The following CNOT6 variants were observed in gnomAD, a reference collection of about 807,000 sequenced individuals.
The protein encoded by CNOT6 is CCR4-NOT transcription complex subunit 6, also known as carbon catabolite repression 4 protein.
A neutral mutation model predicts 61.2 loss-of-function variants in CNOT6; 12 were observed. The observed-to-expected ratio is 0.20, with a 90% CI of 0.13 to 0.32. CNOT6 has a LOEUF of 0.32. Among genes scored for constraint, CNOT6 ranks in the 10% least tolerant of loss-of-function variants. CNOT6 has a pLI of 1.00. For missense variants in CNOT6, 405 were observed against 663.9 expected, an observed-to-expected ratio of 0.61 and a Z score of 4.28; for synonymous variants, 225 against 240.6, an observed-to-expected ratio of 0.94 and a Z score of 0.60.
At chr5:180,525,825 G>C (rs1758074940) in intron 1 of CNOT6, among the ~76,000 whole-genome samples, 2 of 152,066 alleles carry the variant, frequency 1.3e-5, no homozygotes. Context: ...TTCTAGGCGG[G>C]GGCGATCATC....
At chr5:180,515,303 T>C (rs1757585427) in intron 1 of CNOT6, among the ~76,000 whole-genome samples, 1 of 151,832 alleles carries the variant, frequency 6.6e-6, no homozygotes, top group South Asian at 2.1e-4. Flanking sequence ...CTGGGTGTGG[T>C]GGTGCCTGAG....
At chr5:180,528,245 A>G (rs1758190691) in intron 1 of CNOT6, among the ~76,000 whole-genome samples, 2 of 152,352 alleles carry the variant, frequency 1.3e-5, no homozygotes, top group Non-Finnish European at 1.5e-5. Context: ...GAATTCTGTT[A>G]AAAACAGTCA....
rs139162476 is a variant in CNOT6, at chr5:180,522,029, A to G, written c.-2-7246A>G. Among the ~76,000 whole-genome samples the G allele has an allele frequency of 1.8e-3, 270 of 152,212 alleles. 8 individuals are homozygous for G. In the East Asian group the frequency reaches 0.048, roughly 27 times the overall value. ...GTGCATGTACCTTTTTTGTAGAAAG[A>G]TTTATTTTTCTTTGGGTATAGAACC... is the stretch of plus-strand genomic sequence containing the variant. On this transcript the variant is annotated intron_variant, in intron 1 of 11. Transcript: ENST00000261951.
intron 2 of CNOT6, among the ~76,000 whole-genome samples, chr5:180,542,465 A>G (rs1029156772): frequency 2.6e-5 from 4 of 152,090 alleles, no homozygotes; most frequent in Middle Eastern, 6.8e-3. Context: ...GGATTTCACC[A>G]TGTTGACCAG....
intron 6 of CNOT6, among the ~76,000 whole-genome samples, chr5:180,565,314 C>T (rs977455056): frequency 1.3e-5 from 2 of 152,254 alleles, no homozygotes; most frequent in Middle Eastern, 3.2e-3. Context: ...GACTGCTCAT[C>T]TCCTTTTAAC....
chr5:180,552,570 C>A (rs567525850), intron 3 of CNOT6, among the ~76,000 whole-genome samples: 1 of 150,780 alleles, frequency 6.6e-6, no homozygotes, highest in Non-Finnish European at 1.5e-5. Context: ...GGCGTGAACC[C>A]GGGAGGCGGA....
At chr5:180,565,597 C>T (rs1268351818) in intron 6 of CNOT6, among the ~76,000 whole-genome samples, 1 of 152,128 alleles carries the variant, frequency 6.6e-6, no homozygotes, top group Non-Finnish European at 1.5e-5. Context: ...GTGCCTACCT[C>T]TGTAGCAGGT....
chr5:180,549,806 C>A, intron 2 of CNOT6, 125 bp from the exon 3 acceptor site: 2 of 663,984 alleles, frequency 3.0e-6, no homozygotes, highest in East Asian at 2.6e-5. Context: ...CCTGTTAACC[C>A]CTTCTCACAA....
At chr5:180,523,282 A>G (rs1000619093) in intron 1 of CNOT6, among the ~76,000 whole-genome samples, 3 of 152,078 alleles carry the variant, frequency 2.0e-5, no homozygotes, top group Non-Finnish European at 4.4e-5. Context: ...GTTCATTTTG[A>G]AGGTTAAGTA....
intron 2 of CNOT6, among the ~76,000 whole-genome samples, chr5:180,543,164 T>C (rs1759131144): frequency 6.6e-6 from 1 of 152,144 alleles, no homozygotes; most frequent in South Asian, 2.1e-4. Flanking sequence ...GTTCACACCA[T>C]TCTCCTGCCT....
At chr5:180,567,293 G>T in intron 8 of CNOT6, 51 bp downstream of exon 8, 3 of 1,511,436 alleles carry the variant, frequency 2.0e-6, no homozygotes, top group Non-Finnish European at 2.7e-6. Flanking sequence ...TTTGCAGGGT[G>T]GGGGCCAAGG....
At chr5:180,570,765 T>TG (rs1760709894) in intron 10 of CNOT6, among the ~76,000 whole-genome samples, 1 of 152,234 alleles carries the variant, frequency 6.6e-6, no homozygotes, top group Non-Finnish European at 1.5e-5. Flanking sequence ...GTTTGGCCTG[T>TG]AACTAGCTGG....
chr5:180,537,785 T>C (rs531543448), intron 2 of CNOT6, among the ~76,000 whole-genome samples: 9 of 145,650 alleles, frequency 6.2e-5, no homozygotes, highest in African/African-American at 1.3e-4. Flanking sequence ...TTTAGTTAGA[T>C]TTATTCCTCT....
intron 2 of CNOT6, among the ~76,000 whole-genome samples, chr5:180,544,142 T>C (rs1052408898): frequency 6.6e-6 from 1 of 152,180 alleles, no homozygotes; most frequent in Non-Finnish European, 1.5e-5. Flanking sequence ...CCTATTCTTA[T>C]CCATTGTTCA....
intron 2 of CNOT6, among the ~76,000 whole-genome samples, chr5:180,536,243 C>T (rs1758692691): frequency 6.6e-6 from 1 of 151,934 alleles, no homozygotes; most frequent in South Asian, 2.1e-4. Flanking sequence ...TTGTGATCCG[C>T]CTGCCTTGGC....
At chr5:180,526,614 A>G (rs1758112500) in intron 1 of CNOT6, among the ~76,000 whole-genome samples, 1 of 152,188 alleles carries the variant, frequency 6.6e-6, no homozygotes, top group African/African-American at 2.4e-5. Flanking sequence ...TCTGGGCAGT[A>G]TACAGAGTCT....
intron 2 of CNOT6, among the ~76,000 whole-genome samples, chr5:180,532,822 CAG>C (rs1322702787): frequency 6.6e-6 from 1 of 152,154 alleles, no homozygotes; most frequent in Non-Finnish European, 1.5e-5. Context: ...TCACAGAACT[CAG>C]AGAAACATCT....
In CNOT6 at chr5:180,552,110, C is replaced by T. The variant is rs922619245; in HGVS notation, c.300-1276C>T. ...TCTCAAACTCCTGACCTCAAATGAT[C>T]TGCCTGCCTCGGCCTCCCAAAGTGC... On this transcript the variant is annotated intron_variant, in intron 3 of 11. Coordinates refer to ENST00000261951, the MANE Select transcript of CNOT6 (RefSeq NM_001370472.1). Among the ~76,000 whole-genome samples the T allele has an allele frequency of 1.2e-4, 18 of 151,812 alleles. 2 individuals are homozygous for T. The highest frequency in any genetic ancestry group is 4.3e-4 in the African/African-American group (18 of 41,438).
At chr5:180,562,129 G>A (rs539328332) in intron 4 of CNOT6, among the ~76,000 whole-genome samples, 1 of 152,228 alleles carries the variant, frequency 6.6e-6, no homozygotes, top group East Asian at 1.9e-4. Context: ...GCATATCTGA[G>A]GCAAAAAGTG....
Sources: allele counts gnomAD v4.1 joint callset (sites outside exome capture counted in the v4.1 genomes callset), GRCh38; gene constraint gnomAD v4.1.1; transcripts MANE v1.5; gene names NCBI Gene and HGNC (gene_info 2026-07-23, HGNC 2026-07-21).